Variants in SLC6A20 observed in about 807,000 individuals in gnomAD.
SLC6A20 encodes sodium- and chloride-dependent transporter XTRP3.
A neutral mutation model predicts 64.3 loss-of-function variants in SLC6A20; 73 were observed. The ratio of observed to expected loss-of-function variants is 1.14; its 90% CI spans 0.94 to 1.38. The LOEUF is 1.38. SLC6A20 is among the 40% of genes most tolerant of loss of function. The pLI is 0.00. For missense variants in SLC6A20, 725 were observed against 772.8 expected (o/e 0.94, Z 0.73); for synonymous variants, 347 against 329.6 (o/e 1.05, Z -0.57).
chr3:45,771,100 G>A, intron 6 of SLC6A20, 117 bp downstream of exon 6: 3 of 1,445,838 alleles, frequency 2.1e-6, no homozygotes, highest in Admixed American at 2.1e-5. Context: ...GAGTCCAAAT[G>A]TGAGCCCTGG....
chr3:45,772,326 TGAG>T, intron 5 of SLC6A20, 176 bp downstream of exon 5: 2 of 549,738 alleles, frequency 3.6e-6, no homozygotes, highest in Non-Finnish European at 6.4e-6. Context: ...ATGACCTGGC[TGAG>T]GAGGTGATCC....
intron 9 of SLC6A20, among the ~76,000 whole-genome samples, chr3:45,761,232 C>T (rs566425652): frequency 6.6e-6 from 1 of 151,802 alleles, no homozygotes. Context: ...AACCCCCCCC[C>T]CTTTCCTGGA....
Position 45,796,385 on chromosome 3 carries a change from A to C in SLC6A20, c.35T>G (p.Leu12Arg), listed in dbSNP as rs753712356. 22 of 1,611,944 alleles carry C rather than the reference A, an allele frequency of 1.4e-5. 1 individual carries two copies. The South Asian group carries it at 1.9e-4, about 14-fold the overall frequency. The change falls in exon 1 of 11, where the codon CTA becomes CGA. Residue 12 changes from leucine (L) to arginine (R), a missense_variant. By Grantham distance (102) the Leu-to-Arg change is moderately radical. Coordinates refer to ENST00000358525, the MANE Select transcript of SLC6A20 (RefSeq NM_020208.4). Reference sequence around the variant, plus strand: ...CGAGATGCAGGCGAACACGAACTGTAGCGAGTTGGCCCACAGCGGCCGCGC... The same window carrying C: ...CGAGATGCAGGCGAACACGAACTGTCGCGAGTTGGCCCACAGCGGCCGCGC... Reference protein sequence around the residue: ...EKARPLWANSLQFVFACISYA... With the variant: ...EKARPLWANSRQFVFACISYA...
intron 1 of SLC6A20, 31 bp downstream of exon 1, chr3:45,796,268 G>A: frequency 6.3e-7 from 1 of 1,576,810 alleles, no homozygotes; most frequent in Non-Finnish European, 8.6e-7. Context: ...GCACAGAGTT[G>A]GGCTGGGGCC....
Position 45,765,509 on chromosome 3 carries a change from G to GC in SLC6A20, c.1303+27dup, listed in dbSNP as rs1343407695. The GC allele has an allele frequency of 1.1e-5, 18 of 1,597,542 alleles. No homozygotes were observed. The highest frequency in any genetic ancestry group is 2.3e-5 in the East Asian group (1 of 44,106). On this transcript the variant is annotated intron_variant, in intron 8 of 10. Transcript: ENST00000358525. The surrounding 1 kb of genome is among the most constrained non-coding windows in gnomAD (Gnocchi z 4.2). ...CCACGCCTTGGCCCTCCTGACCCCT[G>GC]CCTCCTCCACTGGCTGGCCCCGCTG...
Position 45,771,208 on chromosome 3 carries a change from C to T in SLC6A20, c.935+9G>A, listed in dbSNP as rs749942318. 1.2e-6 allele frequency: 2 copies of T among 1,614,094 alleles called. No homozygotes were observed. The highest frequency in any genetic ancestry group is 1.7e-6 in the Non-Finnish European group (2 of 1,180,022). The stretch of plus-strand genomic sequence containing the variant: ...AGGCCTGGGACTCGGTGGGACAGCC[C>T]AGGCTTACTTCTTCAAGCAGTTTTC... On this transcript the variant is annotated intron_variant, in intron 6 of 10. Coordinates refer to ENST00000358525, the MANE Select transcript of SLC6A20 (RefSeq NM_020208.4).
rs767622679 is a variant in SLC6A20, at chr3:45,775,970, C to G, written c.373G>C (p.Val125Leu). Reference protein sequence around the residue: ...HSFQDPLPWSVCPLNGNHTGY... With the variant: ...HSFQDPLPWSLCPLNGNHTGY... ...GTGTGGTTACCATTCAGTGGGCAGA[C>G]AGACCACGGCAGGGGATCCTGTGGG... The change falls in exon 4 of 11, where the codon GTC becomes CTC. Residue 125 changes from valine to leucine, a missense_variant. Physicochemically the swap from Val to Leu is conservative, Grantham distance 32. Coordinates refer to ENST00000358525, the MANE Select transcript of SLC6A20 (RefSeq NM_020208.4). The G allele has an allele frequency of 5.6e-6, 9 of 1,614,086 alleles. No individual in the cohort carries two copies. The highest frequency in any genetic ancestry group is 5.9e-6 in the Non-Finnish European group (7 of 1,180,034).
At chr3:45,768,661 C>A (rs1010452359) in intron 7 of SLC6A20, among the ~76,000 whole-genome samples, 9 of 152,134 alleles carry the variant, frequency 5.9e-5, no homozygotes, top group Non-Finnish European at 1.3e-4. Flanking sequence ...CATGAAATGA[C>A]CTACAGTGGT....
At chr3:45,784,081 G>A (rs1700137224) in intron 1 of SLC6A20, among the ~76,000 whole-genome samples, 1 of 152,208 alleles carries the variant, frequency 6.6e-6, no homozygotes, top group African/African-American at 2.4e-5. Flanking sequence ...CAAGGTCCAG[G>A]GACGACTGTC....
chr3:45,759,234 G>T (rs1042635457), intron 10 of SLC6A20, 107 bp from the exon 11 acceptor site: 1 of 1,232,296 alleles, frequency 8.1e-7, no homozygotes, highest in Admixed American at 2.9e-5. Flanking sequence ...CAGAGAGCAT[G>T]TGGGGCCGGT....
chr3:45,762,506 A>G (rs1405362691), intron 9 of SLC6A20, among the ~76,000 whole-genome samples: 1 of 152,204 alleles, frequency 6.6e-6, no homozygotes, highest in Non-Finnish European at 1.5e-5. Context: ...TCACTGACTA[A>G]ATTTTGAATC....
chr3:45,768,472 C>T (rs915385555), intron 7 of SLC6A20, among the ~76,000 whole-genome samples: 5 of 152,230 alleles, frequency 3.3e-5, no homozygotes, highest in African/African-American at 1.2e-4. Flanking sequence ...AGTGAGAGCA[C>T]TGAACAAGTG....
At chr3:45,771,493 T>C (rs1211179680) in intron 5 of SLC6A20, 35 bp from the exon 6 acceptor site, 2 of 1,610,488 alleles carry the variant, frequency 1.2e-6, no homozygotes, top group Non-Finnish European at 1.7e-6. Context: ...TGATGATCCC[T>C]GGGTGGAATC....
Position 45,772,501 on chromosome 3 carries a change from G to A in SLC6A20, c.693+4C>T, listed in dbSNP as rs2276858. On this transcript the variant is annotated splice_donor_region_variant and intron_variant, in intron 5 of 10. Transcript: ENST00000358525. Reference sequence around the variant, plus strand: ...CCGTAGGGCCCTTCCGCTTCAGCCCGTACCTTGGGAGTGAACATGTACATG... The same window carrying A: ...CCGTAGGGCCCTTCCGCTTCAGCCCATACCTTGGGAGTGAACATGTACATG... 64,797 of 1,609,800 alleles carry A rather than the reference G, an allele frequency of 0.04. 1,696 individuals carry two copies. Among genetic ancestry groups the A allele is most frequent in the East Asian group, 0.13 (5,834 of 44,722 alleles).
Position 45,761,343 on chromosome 3 carries a change from C to T in SLC6A20, c.1464-1321G>A, listed in dbSNP as rs76119856. Among the ~76,000 whole-genome samples, 325 of 152,166 alleles carry T rather than the reference C, an allele frequency of 2.1e-3. 2 individuals are homozygous for T. Among genetic ancestry groups the T allele is most frequent in the African/African-American group, 7.7e-3 (319 of 41,486 alleles). On this transcript the variant is annotated intron_variant, in intron 9 of 10. Coordinates refer to ENST00000358525, the MANE Select transcript of SLC6A20 (RefSeq NM_020208.4). The stretch of plus-strand genomic sequence containing the variant: ...CACCTGAGCAAGCCGAAGCACTCCC[C>T]TCCTGCCACTTACATGGTCAGTCCA...
chr3:45,766,098 C>T (rs1182744111), intron 7 of SLC6A20, among the ~76,000 whole-genome samples: 1 of 152,150 alleles, frequency 6.6e-6, no homozygotes, highest in Non-Finnish European at 1.5e-5. Context: ...TGGCTGGGAC[C>T]TGAGGAGGGA....
intron 7 of SLC6A20, among the ~76,000 whole-genome samples, chr3:45,767,707 G>C (rs949781387): frequency 6.6e-6 from 1 of 152,140 alleles, no homozygotes; most frequent in Non-Finnish European, 1.5e-5. Context: ...ACCTCACCCA[G>C]GCCTAGAGTG....
Position 45,759,079 on chromosome 3 carries a change from C to T in SLC6A20, c.1678G>A (p.Gly560Arg), listed in dbSNP as rs140440513. The change falls in exon 11 of 11, where the codon GGG becomes AGG. Residue 560 changes from glycine (G) to arginine (R), a missense_variant. By Grantham distance (125) the Gly-to-Arg change is moderately radical. Transcript: ENST00000358525. ...DYPAYALAVI[G>R]LLVASSTMCI... Reference sequence around the variant, plus strand: ...ATGGTGGAGGAGGCCACAAGCAGCCCGATGACAGCCAGTGCATAGGCCGGG... The same window carrying T: ...ATGGTGGAGGAGGCCACAAGCAGCCTGATGACAGCCAGTGCATAGGCCGGG... 3.6e-5 allele frequency: 58 copies of T among 1,612,634 alleles called. No homozygotes were observed. In the African/African-American group the frequency reaches 5.7e-4, roughly 16 times the overall value.
At chr3:45,760,642 T>C (rs7621856) in intron 9 of SLC6A20, among the ~76,000 whole-genome samples, 79,527 of 152,094 alleles carry the variant, frequency 0.52, 22,415 homozygotes, top group Middle Eastern at 0.72. Context: ...ACCTCCATCA[T>C]GCCTGTAGCT....
Sources: gnomAD v4.1 joint callset for allele counts (sites outside exome capture counted in the v4.1 genomes callset) on GRCh38, gnomAD v4.1.1 for gene constraint, Gnocchi (gnomAD v3.1) non-coding constraint, MANE v1.5 for transcripts, NCBI Gene and HGNC (gene_info 2026-07-23, HGNC 2026-07-21) for gene names.